The following LUZP2 variants were observed in gnomAD, a reference collection of about 807,000 sequenced individuals.
LUZP2 encodes the protein leucine zipper protein 2.
A neutral mutation model predicts 51.6 loss-of-function variants in LUZP2; 52 were observed. That is an observed-to-expected ratio of 1.01 (90% CI 0.81 to 1.27). LUZP2 has a LOEUF of 1.27. LUZP2 is among the 50% of genes most tolerant of loss of function. The probability of loss-of-function intolerance (pLI) is 0.00; values close to 1 mark genes in which losing one functional copy is unlikely to be tolerated. For synonymous variants in LUZP2, 154 were observed against 137.3 expected, an observed-to-expected ratio of 1.12 and a Z score of -0.85; for missense variants, 436 against 395.4, an observed-to-expected ratio of 1.10 and a Z score of -0.87.
At chr11:25,049,026 T>C (rs1418517665) in intron 9 of LUZP2, among the ~76,000 whole-genome samples, 1 of 152,168 alleles carries the variant, frequency 6.6e-6, no homozygotes, top group Non-Finnish European at 1.5e-5. Flanking sequence ...TTTATAAAGA[T>C]ATTGTTTTTG....
intron 9 of LUZP2, among the ~76,000 whole-genome samples, chr11:25,005,146 G>A (rs1384693006): frequency 1.3e-5 from 2 of 152,124 alleles, no homozygotes; most frequent in Non-Finnish European, 1.5e-5. Context: ...AGGGGGAACT[G>A]ATAGCCGGGT....
chr11:24,574,240 CTTT>C (rs1250603241), intron 1 of LUZP2, among the ~76,000 whole-genome samples: 15 of 1,760 alleles, frequency 8.5e-3, no homozygotes, highest in South Asian at 0.038. Flanking sequence ...TTCTTTCTTT[CTTT>C]CTTTCTTTCT....
intron 5 of LUZP2, chr11:24,785,706 T>A (rs1444358945): frequency 4.8e-6 from 1 of 209,412 alleles, no homozygotes; most frequent in African/African-American, 2.4e-5. Flanking sequence ...TAAATCGTTA[T>A]ATCAAACAAT....
At chr11:24,799,938 A>T (rs1312443288) in intron 5 of LUZP2, among the ~76,000 whole-genome samples, 1 of 152,178 alleles carries the variant, frequency 6.6e-6, no homozygotes, top group Non-Finnish European at 1.5e-5. Flanking sequence ...TGCTGCAATA[A>T]ATGATAATTG....
chr11:24,505,988 T>C (rs1029420279), intron 1 of LUZP2, among the ~76,000 whole-genome samples: 2 of 152,160 alleles, frequency 1.3e-5, no homozygotes, highest in African/African-American at 4.8e-5. Context: ...TTGTTCAAGA[T>C]TACCTACAGG....
chr11:24,738,861 A>G (rs1435035306), intron 4 of LUZP2, among the ~76,000 whole-genome samples: 1 of 152,076 alleles, frequency 6.6e-6, no homozygotes, highest in East Asian at 1.9e-4. Flanking sequence ...CTTACTACGA[A>G]TATTTACCAC....
intron 1 of LUZP2, among the ~76,000 whole-genome samples, chr11:24,658,456 T>G (rs1855897109): frequency 6.6e-6 from 1 of 152,104 alleles, no homozygotes; most frequent in African/African-American, 2.4e-5. Context: ...ATGTTAGACC[T>G]AAAACCATAA....
At chr11:24,836,160 A>G (rs999343561) in intron 5 of LUZP2, among the ~76,000 whole-genome samples, 2 of 151,932 alleles carry the variant, frequency 1.3e-5, no homozygotes, top group South Asian at 2.1e-4. Context: ...GCACATGTAC[A>G]GTAATGATGG....
At chr11:24,707,857 C>G (rs1288561560) in intron 1 of LUZP2, among the ~76,000 whole-genome samples, 1 of 151,922 alleles carries the variant, frequency 6.6e-6, no homozygotes, top group Non-Finnish European at 1.5e-5. Context: ...AAGGGTGCAC[C>G]CTTACAGATG....
intron 9 of LUZP2, among the ~76,000 whole-genome samples, chr11:25,030,827 C>A (rs1857624841): frequency 7.1e-6 from 1 of 140,932 alleles, no homozygotes; most frequent in Non-Finnish European, 1.5e-5. Context: ...TTTTGATTTG[C>A]AAAAAGCTAC....
chr11:24,500,758 G>A (rs145638103), intron 1 of LUZP2, among the ~76,000 whole-genome samples: 5 of 152,268 alleles, frequency 3.3e-5, no homozygotes, highest in Non-Finnish European at 7.4e-5. Flanking sequence ...CATGAAGCAA[G>A]AACTTTGAGC....
chr11:25,079,822 GC>G lies in LUZP2; in HGVS notation c.*1165del, dbSNP rs1364764242. ...TAGAACCTTTTTGCAACCGTAGAAA[GC>G]ATATTAAACCATTGGTTTTGCAGGA... On this transcript the variant is annotated 3_prime_UTR_variant, in exon 12 of 12. Transcript: ENST00000336930. 2 of 152,112 alleles carry G rather than the reference GC, an allele frequency of 1.3e-5. No homozygotes were observed. The highest frequency in any genetic ancestry group is 2.4e-5 in the African/African-American group (1 of 41,450). The allele number at this position is 152,112 out of a possible 1,614,324, so 9.4% of individuals were successfully genotyped here.
At chr11:24,591,736 T>C (rs936540238) in intron 1 of LUZP2, among the ~76,000 whole-genome samples, 10 of 152,288 alleles carry the variant, frequency 6.6e-5, no homozygotes, top group African/African-American at 2.4e-4. Flanking sequence ...TAATAATAGA[T>C]AACATCTAAA....
intron 1 of LUZP2, among the ~76,000 whole-genome samples, chr11:24,570,616 C>T (rs1029976163): frequency 3.3e-5 from 5 of 151,958 alleles, no homozygotes; most frequent in African/African-American, 7.2e-5. Flanking sequence ...TCTTCAGCAA[C>T]GGCTTTAATA....
chr11:25,074,558 A>G (rs1466559728), intron 10 of LUZP2, among the ~76,000 whole-genome samples: 2 of 152,172 alleles, frequency 1.3e-5, no homozygotes, highest in Non-Finnish European at 2.9e-5. Flanking sequence ...AATATATTGC[A>G]TAGCAGATCT....
intron 1 of LUZP2, among the ~76,000 whole-genome samples, chr11:24,677,716 G>A (rs1389106692): frequency 1.3e-5 from 2 of 152,028 alleles, no homozygotes; most frequent in Admixed American, 6.5e-5. Context: ...ATACATATGT[G>A]TGTATATCTT....
Position 24,497,188 on chromosome 11 carries a change from T to A in LUZP2, c.-56T>A. 1 of 1,472,218 alleles carries A rather than the reference T, an allele frequency of 6.8e-7. No individual in the cohort carries two copies. The highest frequency in any genetic ancestry group is 9.2e-7 in the Non-Finnish European group (1 of 1,092,782). The allele number at this position is 1,472,218 out of a possible 1,614,324, so 91.2% of individuals were successfully genotyped here. On this transcript the variant is annotated 5_prime_UTR_variant, in exon 1 of 12. Transcript: ENST00000336930. ...AGCCGGGCACCAAGGAGCGACAGGA[T>A]CCCGAAGAGAGAGAGAGAAGGCAGC...
At chr11:24,809,069 A>G (rs1849941522) in intron 5 of LUZP2, among the ~76,000 whole-genome samples, 1 of 152,118 alleles carries the variant, frequency 6.6e-6, no homozygotes, top group Non-Finnish European at 1.5e-5. Context: ...TCATATTTTC[A>G]TATTAAGAAC....
chr11:25,065,045 A>G (rs1399604874), intron 10 of LUZP2, among the ~76,000 whole-genome samples: 1 of 152,070 alleles, frequency 6.6e-6, no homozygotes, highest in Non-Finnish European at 1.5e-5. Flanking sequence ...TAAAAAAGAG[A>G]AACATGTTCT....
Sources: gnomAD v4.1 joint callset for allele counts (sites outside exome capture counted in the v4.1 genomes callset) on GRCh38, gnomAD v4.1.1 for gene constraint, MANE v1.5 for transcripts, NCBI Gene and HGNC (gene_info 2026-07-23, HGNC 2026-07-21) for gene names.